The following NBEA variants were observed in gnomAD, a reference collection of about 807,000 sequenced individuals.
The protein encoded by NBEA is lysosomal-trafficking regulator 2.
A neutral mutation model predicts 343.4 loss-of-function variants in NBEA; 44 were observed. That is an observed-to-expected ratio of 0.13 (90% confidence interval 0.10 to 0.16). The LOEUF (loss-of-function observed/expected upper bound fraction) is 0.16, where lower values mean the gene tolerates loss of function less well. Ranked by LOEUF, NBEA falls within the 10% of genes least tolerant of loss-of-function variation. The pLI, the probability that NBEA is intolerant of heterozygous loss-of-function variation, is 1.00. For synonymous variants in NBEA, 1,175 were observed against 1,238.7 expected (o/e 0.95, Z 1.08); for missense variants, 2,555 against 3,631.3 (o/e 0.70, Z 7.62).
At chr13:35,000,538 TACAC>T (rs2061093136) in intron 1 of NBEA, among the ~76,000 whole-genome samples, 1 of 151,374 alleles carries the variant, frequency 6.6e-6, no homozygotes, top group African/African-American at 2.4e-5. Context: ...TTATAAGAGA[TACAC>T]ACACATTCAC....
At chr13:35,132,749 T>G (rs2067496084) in intron 17 of NBEA, among the ~76,000 whole-genome samples, 1 of 152,234 alleles carries the variant, frequency 6.6e-6, no homozygotes, top group Non-Finnish European at 1.5e-5. Context: ...TAACTGCCAG[T>G]GGGCACAGGG....
intron 31 of NBEA, among the ~76,000 whole-genome samples, chr13:35,198,958 T>G (rs2072823422): frequency 6.6e-6 from 1 of 152,064 alleles, no homozygotes; most frequent in African/African-American, 2.4e-5. Context: ...CAACTTAGTT[T>G]CATGCTTTAA....
Position 35,070,729 on chromosome 13 carries a change from C to G in NBEA, c.1448C>G (p.Ala483Gly), listed in dbSNP as rs1239995392. 1 of 1,580,916 alleles carries G rather than the reference C, an allele frequency of 6.3e-7. No individual in the cohort carries two copies. The highest frequency in any genetic ancestry group is 8.6e-7 in the Non-Finnish European group (1 of 1,159,600). The part of the protein sequence containing the change: ...PHALMLQDVK[A>G]IVTHSIHSAI... ...TGTTTTTGGACATAGGATGTGAAAG[C>G]GATAGTAACACATTCAATTCATAGT... Residue 483 changes from alanine to glycine, a missense_variant, in exon 10 of 59, where the codon GCG becomes GGG. By Grantham distance (60) the Ala-to-Gly change is moderately conservative. Coordinates refer to ENST00000379939, the MANE Select transcript of NBEA (RefSeq NM_001385012.1).
intron 32 of NBEA, 74 bp from the exon 33 acceptor site, chr13:35,210,979 G>T (rs878983685): frequency 9.1e-6 from 13 of 1,428,438 alleles, no homozygotes; most frequent in Middle Eastern, 1.9e-4. Flanking sequence ...TTCAAAATCA[G>T]ATAGTAATGG....
chr13:35,236,762 C>CTT (rs573686467), intron 34 of NBEA, among the ~76,000 whole-genome samples: 1 of 146,192 alleles, frequency 6.8e-6, no homozygotes, highest in African/African-American at 2.5e-5. Flanking sequence ...GGCCTAAACC[C>CTT]TTTTTTTTTT....
intron 38 of NBEA, among the ~76,000 whole-genome samples, chr13:35,380,891 A>G (rs371023197): frequency 1.3e-5 from 2 of 152,280 alleles, no homozygotes; most frequent in East Asian, 3.9e-4. Context: ...GATATTAGTC[A>G]TAGGTTGTTT....
At chr13:35,020,349 A>C (rs906852990) in intron 1 of NBEA, among the ~76,000 whole-genome samples, 1 of 152,116 alleles carries the variant, frequency 6.6e-6, no homozygotes, top group African/African-American at 2.4e-5. Flanking sequence ...CAGATATCAT[A>C]CTTTGTATAA....
intron 1 of NBEA, among the ~76,000 whole-genome samples, chr13:34,948,987 G>C (rs1242944595): frequency 1.3e-5 from 2 of 152,054 alleles, no homozygotes; most frequent in Non-Finnish European, 2.9e-5. Flanking sequence ...GGTCATAAAG[G>C]CCTAAGTTTT....
chr13:35,472,539 G>A lies in NBEA; in HGVS notation c.6585+3G>A, dbSNP rs750388337. 1.2e-6 allele frequency: 2 copies of A among 1,613,980 alleles called. No individual in the cohort carries two copies. ...CCTTCAAGAAGATCGACACGAAAGT[G>A]AGTTAAAGCGATTCCATGTACAGTA... On this transcript the variant is annotated splice_donor_region_variant and intron_variant, in intron 41 of 58. Coordinates refer to ENST00000379939, the MANE Select transcript of NBEA (RefSeq NM_001385012.1).
chr13:35,666,993 G>C (rs541041957), intron 56 of NBEA, among the ~76,000 whole-genome samples: 2 of 152,306 alleles, frequency 1.3e-5, no homozygotes, highest in African/African-American at 4.8e-5. Context: ...GAGAAAATGA[G>C]CAGCTGTTCT....
chr13:35,672,438 G>A lies in NBEA; in HGVS notation c.*1447G>A, dbSNP rs573698655. The A allele has an allele frequency of 2.6e-5, 4 of 152,736 alleles. No individual in the cohort carries two copies. Among genetic ancestry groups the A allele is most frequent in the Admixed American group, 6.5e-5 (1 of 15,304 alleles). The allele number at this position is 152,736 out of a possible 1,614,324, so 9.5% of individuals were successfully genotyped here. ...CCTTGTACTAGTAAGTTTTAGCACT[G>A]AATTCCTTCTTCACTGTTGTTTGTA... On this transcript the variant is annotated 3_prime_UTR_variant, in exon 59 of 59. Transcript: ENST00000379939.
At chr13:35,325,514 C>T (rs186802021) in intron 36 of NBEA, among the ~76,000 whole-genome samples, 2 of 151,896 alleles carry the variant, frequency 1.3e-5, no homozygotes, top group East Asian at 1.9e-4. Flanking sequence ...TATGAGATAT[C>T]GTAATACTGA....
intron 46 of NBEA, among the ~76,000 whole-genome samples, chr13:35,587,298 A>G (rs2081333599): frequency 6.6e-6 from 1 of 152,196 alleles, no homozygotes; most frequent in Non-Finnish European, 1.5e-5. Flanking sequence ...TAAGCTACAC[A>G]GTCAATTTGA....
At chr13:35,174,731 A>C (rs188474853) in intron 27 of NBEA, among the ~76,000 whole-genome samples, 1 of 152,228 alleles carries the variant, frequency 6.6e-6, no homozygotes, top group Non-Finnish European at 1.5e-5. Context: ...TTGTGTAGGC[A>C]TAGTAGACAG....
chr13:35,512,776 C>G (rs771744160), intron 41 of NBEA, among the ~76,000 whole-genome samples: 3 of 152,188 alleles, frequency 2.0e-5, no homozygotes, highest in Admixed American at 6.5e-5. Context: ...GGACTATTGG[C>G]AAACCTCTGG....
intron 35 of NBEA, among the ~76,000 whole-genome samples, chr13:35,301,615 T>A (rs2152826698): frequency 6.6e-6 from 1 of 152,340 alleles, no homozygotes; most frequent in Admixed American, 6.5e-5. Context: ...TGGTTCCACA[T>A]CTTTGCTATT....
chr13:35,312,464 TA>T (rs1434634254), intron 36 of NBEA, among the ~76,000 whole-genome samples: 2 of 152,322 alleles, frequency 1.3e-5, no homozygotes, highest in East Asian at 3.9e-4. Flanking sequence ...AGCAGCTATT[TA>T]AATGCATGTT....
At chr13:35,118,911 G>T (rs1197313926) in intron 16 of NBEA, among the ~76,000 whole-genome samples, 1 of 151,814 alleles carries the variant, frequency 6.6e-6, no homozygotes, top group Admixed American at 6.6e-5. Flanking sequence ...TTTTGAGTAG[G>T]GGAAATGTTG....
At chr13:35,294,742 A>G (rs1043280849) in intron 35 of NBEA, among the ~76,000 whole-genome samples, 1 of 152,184 alleles carries the variant, frequency 6.6e-6, no homozygotes, top group Non-Finnish European at 1.5e-5. Context: ...AAAACTGAAT[A>G]TAAATGAGCA....
Sources: allele counts gnomAD v4.1 joint callset (sites outside exome capture counted in the v4.1 genomes callset), GRCh38; gene constraint gnomAD v4.1.1; transcripts MANE v1.5; gene names NCBI Gene and HGNC (gene_info 2026-07-23, HGNC 2026-07-21).